ADAMTS20: variants seen among roughly 807,000 people sequenced by gnomAD.
The protein encoded by ADAMTS20 is A disintegrin and metalloproteinase with thrombospondin motifs 20.
ADAMTS20 carries 225 observed loss-of-function variants against 260.1 expected under a neutral mutation model. The observed-to-expected ratio is 0.87, with a 90% CI of 0.78 to 0.97. ADAMTS20 has a LOEUF of 0.97. ADAMTS20 is among the 50% of genes least tolerant of loss of function. ADAMTS20 has a pLI of 0.00. For synonymous variants in ADAMTS20, 802 were observed against 769.5 expected (o/e 1.04, Z -0.70); for missense variants, 2,400 against 2,337.7 (o/e 1.03, Z -0.55).
At chr12:43,372,721 G>A (rs1940133362) in intron 36 of ADAMTS20, among the ~76,000 whole-genome samples, 1 of 152,194 alleles carries the variant, frequency 6.6e-6, no homozygotes, top group Non-Finnish European at 1.5e-5. Flanking sequence ...AAGGCACTGA[G>A]CCTAGAGGAC....
At position 43,493,232 on chromosome 12, in the gene ADAMTS20, G is replaced by C; in HGVS notation, c.889C>G (p.Pro297Ala). Residue 297 changes from proline (P) to alanine (A), a missense_variant, in exon 5 of 39, where the codon CCA (proline) becomes GCA (alanine). Physicochemically the swap from Pro to Ala is conservative, Grantham distance 27. Coordinates refer to ENST00000389420, the MANE Select transcript of ADAMTS20 (RefSeq NM_025003.5). Reference sequence around the variant, plus strand: ...ATGTGTATCAAATTTCCAATACTTGGATCTTTGTAGATTGTTGCAACCTGC... The same window carrying C: ...ATGTGTATCAAATTTCCAATACTTGCATCTTTGTAGATTGTTGCAACCTGC... ...MSIVATIYKD[P>A]SIGNLIHIVV... is the part of the protein sequence containing the mutation. 1 of 1,555,780 alleles carries C rather than the reference G, an allele frequency of 6.4e-7. No homozygotes were observed. Among genetic ancestry groups the C allele is most frequent in the Non-Finnish European group, 8.7e-7 (1 of 1,149,028 alleles).
intron 23 of ADAMTS20, 130 bp from the exon 24 acceptor site, chr12:43,429,854 T>C (rs1941406939): frequency 5.1e-6 from 3 of 593,326 alleles, no homozygotes; most frequent in Admixed American, 3.6e-5. Flanking sequence ...AATATGAATG[T>C]TTTCATTTTC....
chr12:43,528,548 A>G (rs1349142254), intron 3 of ADAMTS20, among the ~76,000 whole-genome samples: 3 of 152,140 alleles, frequency 2.0e-5, no homozygotes, highest in Non-Finnish European at 4.4e-5. Flanking sequence ...AGCATACTAC[A>G]TAAATTGGAA....
chr12:43,536,453 T>A (rs990961097), intron 2 of ADAMTS20, among the ~76,000 whole-genome samples: 3 of 152,038 alleles, frequency 2.0e-5, no homozygotes, highest in African/African-American at 7.3e-5. Context: ...TATACTCCTA[T>A]GGAAAAAGGC....
At chr12:43,506,848 A>G (rs1942850997) in intron 3 of ADAMTS20, among the ~76,000 whole-genome samples, 1 of 151,592 alleles carries the variant, frequency 6.6e-6, no homozygotes, top group East Asian at 1.9e-4. Context: ...TTTATTCATA[A>G]TAGTAAAACC....
At chr12:43,357,264 C>G (rs1189715992) in intron 37 of ADAMTS20, among the ~76,000 whole-genome samples, 1 of 152,136 alleles carries the variant, frequency 6.6e-6, no homozygotes, top group Non-Finnish European at 1.5e-5. Flanking sequence ...AGTAGAACTG[C>G]AAACAAGTTC....
intron 15 of ADAMTS20, among the ~76,000 whole-genome samples, chr12:43,444,652 G>A (rs892562876): frequency 6.6e-6 from 1 of 152,042 alleles, no homozygotes; most frequent in Non-Finnish European, 1.5e-5. Context: ...TTACATAGTT[G>A]TCCAAATACG....
chr12:43,535,659 T>C (rs1943284931), intron 2 of ADAMTS20, among the ~76,000 whole-genome samples: 1 of 152,214 alleles, frequency 6.6e-6, no homozygotes, highest in Admixed American at 6.5e-5. Flanking sequence ...CATTAGATCA[T>C]ATTATTTAAG....
intron 8 of ADAMTS20, 41 bp downstream of exon 8, chr12:43,468,559 T>C (rs764844716): frequency 1.6e-6 from 2 of 1,215,816 alleles, no homozygotes; most frequent in Non-Finnish European, 2.4e-6. Flanking sequence ...TGTGCAAAGA[T>C]AAATAGAATG....
At chr12:43,374,947 G>A (rs979900745) in intron 36 of ADAMTS20, among the ~76,000 whole-genome samples, 1 of 152,114 alleles carries the variant, frequency 6.6e-6, no homozygotes, top group Non-Finnish European at 1.5e-5. Flanking sequence ...AAGGCAGGTG[G>A]ATCACCTGAG....
intron 7 of ADAMTS20, among the ~76,000 whole-genome samples, chr12:43,486,674 G>A (rs1311738134): frequency 6.6e-6 from 1 of 152,090 alleles, no homozygotes; most frequent in Admixed American, 6.6e-5. Context: ...TGCAAACGAT[G>A]CATGTGACAA....
chr12:43,378,743 A>C (rs138331260), intron 31 of ADAMTS20, among the ~76,000 whole-genome samples: 1 of 152,312 alleles, frequency 6.6e-6, no homozygotes, highest in East Asian at 1.9e-4. Flanking sequence ...TGAAGAAAAA[A>C]CCTGTCCATC....
At chr12:43,383,415 A>G in intron 31 of ADAMTS20, 143 bp downstream of exon 31, 1 of 785,110 alleles carries the variant, frequency 1.3e-6, no homozygotes, top group Non-Finnish European at 2.0e-6. Context: ...TCCAACTGTC[A>G]GTGGTCTCAT....
chr12:43,399,099 T>C lies in ADAMTS20; in HGVS notation c.4419A>G (p.Arg1473=). 2 of 1,541,582 alleles carry C rather than the reference T, an allele frequency of 1.3e-6. No individual in the cohort carries two copies. The highest frequency in any genetic ancestry group is 1.8e-6 in the Non-Finnish European group (2 of 1,142,118). ...PPTHKACRSV[R]CPSWKANSWN... is the part of the protein sequence containing the mutation. The stretch of plus-strand genomic sequence containing the variant: ...AGCTATTGGCTTTCCATGAAGGGCA[T>C]CTGACAGATCTACAGGCTTTGTGAG... The change falls in exon 29 of 39, where the codon AGA becomes AGG. Residue 1473 remains arginine, a synonymous_variant. Coordinates refer to ENST00000389420, the MANE Select transcript of ADAMTS20 (RefSeq NM_025003.5).
intron 31 of ADAMTS20, among the ~76,000 whole-genome samples, chr12:43,380,097 C>T (rs190521677): frequency 2.7e-4 from 41 of 151,964 alleles, no homozygotes; most frequent in African/African-American, 6.3e-4. Flanking sequence ...TACACCATGA[C>T]GAAGTAAGAT....
intron 2 of ADAMTS20, among the ~76,000 whole-genome samples, chr12:43,543,391 C>A (rs1943402470): frequency 6.6e-6 from 1 of 152,196 alleles, no homozygotes; most frequent in Non-Finnish European, 1.5e-5. Flanking sequence ...CTTCAGGAGC[C>A]AAAAACTGCT....
At chr12:43,404,826 A>G (rs1361061903) in intron 28 of ADAMTS20, among the ~76,000 whole-genome samples, 1 of 152,158 alleles carries the variant, frequency 6.6e-6, no homozygotes, top group Non-Finnish European at 1.5e-5. Flanking sequence ...TTGATTATTG[A>G]GAGGGAGTTT....
chr12:43,548,174 C>T (rs1214738049), intron 2 of ADAMTS20, among the ~76,000 whole-genome samples: 1 of 151,914 alleles, frequency 6.6e-6, no homozygotes, highest in Non-Finnish European at 1.5e-5. Flanking sequence ...TGATTAAAAG[C>T]AAAACTAAAG....
At chr12:43,418,597 C>T (rs1473953340) in intron 28 of ADAMTS20, among the ~76,000 whole-genome samples, 1 of 152,244 alleles carries the variant, frequency 6.6e-6, no homozygotes, top group Non-Finnish European at 1.5e-5. Flanking sequence ...GCATGAGCCA[C>T]TGCACCCAGG....
Sources: allele counts gnomAD v4.1 joint callset (sites outside exome capture counted in the v4.1 genomes callset), GRCh38; gene constraint gnomAD v4.1.1; transcripts MANE v1.5; gene names NCBI Gene and HGNC (gene_info 2026-07-23, HGNC 2026-07-21).